Variants in ANGEL2 observed in about 807,000 individuals in gnomAD.
The protein encoded by ANGEL2 is angel homolog 2, also known as RNA 2',3'-cyclic phosphatase ANGEL2.
A neutral mutation model predicts 66.0 loss-of-function variants in ANGEL2; 41 were observed. The observed-to-expected ratio is 0.62, with a 90% CI of 0.48 to 0.81. The LOEUF is 0.81. Among genes scored for constraint, ANGEL2 ranks in the 30% least tolerant of loss-of-function variants. The probability of loss-of-function intolerance (pLI) is 0.00; values close to 1 mark genes in which losing one functional copy is unlikely to be tolerated. For missense variants in ANGEL2, 561 were observed against 641.6 expected, an observed-to-expected ratio of 0.87 and a Z score of 1.36; for synonymous variants, 208 against 226.5, an observed-to-expected ratio of 0.92 and a Z score of 0.73.
chr1:212,998,728 G>A (rs1382026260), intron 7 of ANGEL2, among the ~76,000 whole-genome samples: 5 of 151,162 alleles, frequency 3.3e-5, no homozygotes, highest in African/African-American at 1.2e-4. Flanking sequence ...CGGTTTCACC[G>A]TGTTAGCCAG....
chr1:213,015,280 T>C, intron 1 of ANGEL2: 1 of 1,167,022 alleles, frequency 8.6e-7, no homozygotes, highest in Non-Finnish European at 1.1e-6. Flanking sequence ...TGCTGCGGAG[T>C]GTGTGGAGCA....
intron 4 of ANGEL2, chr1:213,006,879 T>C (rs918790214): frequency 7.6e-6 from 3 of 395,986 alleles, no homozygotes; most frequent in Admixed American, 8.8e-5. Context: ...TAATGACACA[T>C]GAATTTTCAA....
At chr1:213,007,018 C>A in intron 4 of ANGEL2, 111 bp downstream of exon 4, 1 of 977,706 alleles carries the variant, frequency 1.0e-6, no homozygotes, top group Non-Finnish European at 1.5e-6. Context: ...TACTTGAGCC[C>A]AGTAGGTTGA....
At chr1:213,012,118 T>C (rs376648190) in intron 2 of ANGEL2, among the ~76,000 whole-genome samples, 4 of 152,304 alleles carry the variant, frequency 2.6e-5, no homozygotes, top group African/African-American at 7.2e-5. Flanking sequence ...CTTAGCAAAG[T>C]TGATTGGGAC....
intron 6 of ANGEL2, 112 bp downstream of exon 6, chr1:213,000,674 A>T: frequency 8.5e-7 from 1 of 1,175,614 alleles, no homozygotes; most frequent in Non-Finnish European, 1.2e-6. Context: ...CTACATATTT[A>T]TATATATGAA....
At chr1:213,005,487 C>T (rs2076299888) in intron 4 of ANGEL2, 33 bp from the exon 5 acceptor site, 4 of 1,527,202 alleles carry the variant, frequency 2.6e-6, no homozygotes, top group African/African-American at 1.4e-5. Flanking sequence ...AAACAAATGA[C>T]TGCTTTTATA....
rs190474019 is a variant in ANGEL2, at chr1:213,002,808, C to G, written c.1135-1896G>C. Among the ~76,000 whole-genome samples the G allele has an allele frequency of 4.5e-3, 679 of 151,836 alleles. 8 individuals are homozygous for G. The highest frequency in any genetic ancestry group is 0.015 in the African/African-American group (633 of 41,346). On this transcript the variant is annotated intron_variant, in intron 5 of 8. Coordinates refer to ENST00000366962, the MANE Select transcript of ANGEL2 (RefSeq NM_144567.5). ...TGGAGGCATGCACCTGTAATCCCACCTACTTGGGAAGCTGAAGCAGAATCG... is the reference window on the plus strand; with the variant it reads ...TGGAGGCATGCACCTGTAATCCCACGTACTTGGGAAGCTGAAGCAGAATCG...
At chr1:213,006,918 C>T (rs562570371) in intron 4 of ANGEL2, 22 of 425,538 alleles carry the variant, frequency 5.2e-5, no homozygotes, top group Admixed American at 4.7e-4. Flanking sequence ...GTTACATTGC[C>T]TTGTCTCTAT....
chr1:213,000,668 A>C (rs747518683), intron 6 of ANGEL2, 118 bp downstream of exon 6: 1 of 1,137,008 alleles, frequency 8.8e-7, no homozygotes, highest in South Asian at 2.0e-5. Context: ...GAATAACTAC[A>C]TATTTATATA....
Position 213,000,911 on chromosome 1 carries a change from A to T in ANGEL2, c.1136T>A (p.Val379Glu), listed in dbSNP as rs1305025409. The T allele has an allele frequency of 4.4e-6, 7 of 1,603,876 alleles. No individual in the cohort carries two copies. Among genetic ancestry groups the T allele is most frequent in the Non-Finnish European group, 5.1e-6 (6 of 1,178,070 alleles). ...LNYEGLPIGK[V>E]SGQEQSSRGQ... ...CCGTGAAGACTGTTCCTGGCCAGAT[A>T]CCTAAACAAAATTTCAACAGGTATC... The change falls in exon 6 of 9, where the codon GTA (valine) becomes GAA (glutamate). Residue 379 changes from valine (V) to glutamate (E), a missense_variant and splice_region_variant. Val to Glu is a moderately radical substitution (Grantham distance 121). Transcript: ENST00000366962.
intron 1 of ANGEL2, among the ~76,000 whole-genome samples, chr1:213,014,601 A>G (rs2076590390): frequency 6.6e-6 from 1 of 152,240 alleles, no homozygotes; most frequent in African/African-American, 2.4e-5. Flanking sequence ...GTACTACAAA[A>G]GCTATTATCT....
Position 213,015,754 on chromosome 1 carries a change from A to G in ANGEL2, c.-83T>C, listed in dbSNP as rs1572168003. The G allele has an allele frequency of 6.3e-7, 1 of 1,589,188 alleles. No individual in the cohort carries two copies. Among genetic ancestry groups the G allele is most frequent in the Non-Finnish European group, 8.6e-7 (1 of 1,159,410 alleles). On this transcript the variant is annotated 5_prime_UTR_variant, in exon 1 of 9. Transcript: ENST00000366962. ...ATCGATGCGACGGCCTAAAGTATCT[A>G]GGGAACCCCATCACTCTTAAGTACC... is the stretch of plus-strand genomic sequence containing the variant.
At chr1:212,997,065 C>A in intron 8 of ANGEL2, 90 bp downstream of exon 8, 2 of 1,185,776 alleles carry the variant, frequency 1.7e-6, no homozygotes. Context: ...AGAACTTCAA[C>A]TGGATGTTTA....
intron 2 of ANGEL2, among the ~76,000 whole-genome samples, chr1:213,010,230 T>C (rs2076467993): frequency 6.6e-6 from 1 of 152,230 alleles, no homozygotes; most frequent in Admixed American, 6.5e-5. Flanking sequence ...CCAATTGTAC[T>C]GGCTCTGCAG....
chr1:213,005,457 A>C lies in ANGEL2; in HGVS notation c.713-3T>G. 6.4e-7 allele frequency: 1 copy of C among 1,565,692 alleles called. No individual in the cohort carries two copies. Among genetic ancestry groups the C allele is most frequent in the Non-Finnish European group, 8.6e-7 (1 of 1,159,510 alleles). On this transcript the variant is annotated splice_region_variant and splice_polypyrimidine_tract_variant and intron_variant, in intron 4 of 8. Transcript: ENST00000366962. ...CATCTTATATTCACAGTGATAACCT[A>C]CAAGAAACAAATGAATTTAAAACAA...
chr1:212,997,749 T>C (rs188024991), intron 7 of ANGEL2, among the ~76,000 whole-genome samples: 256 of 152,370 alleles, frequency 1.7e-3, no homozygotes, highest in African/African-American at 5.8e-3. Flanking sequence ...TATAATTTTG[T>C]ACTGCATCTT....
chr1:213,010,571 CAAAA>C (rs11339532), intron 2 of ANGEL2, among the ~76,000 whole-genome samples: 5 of 110,944 alleles, frequency 4.5e-5, no homozygotes, highest in Non-Finnish European at 3.5e-5. Context: ...GCCTTCGTCT[CAAAA>C]AAAAAAAAAA....
chr1:212,995,232 A>G (rs1163172478), intron 8 of ANGEL2, 40 bp from the exon 9 acceptor site: 19 of 1,551,580 alleles, frequency 1.2e-5, no homozygotes, highest in Non-Finnish European at 1.6e-5. Flanking sequence ...TAAAATTGTC[A>G]ACGGGTTATT....
chr1:213,013,029 T>A, intron 2 of ANGEL2, 64 bp downstream of exon 2: 1 of 1,502,568 alleles, frequency 6.7e-7, no homozygotes, highest in Non-Finnish European at 9.0e-7. Context: ...GGATTAGATA[T>A]GAAAGTTTCA....
Sources: gnomAD v4.1 joint callset for allele counts (sites outside exome capture counted in the v4.1 genomes callset) on GRCh38, gnomAD v4.1.1 for gene constraint, MANE v1.5 for transcripts, NCBI Gene and HGNC (gene_info 2026-07-23, HGNC 2026-07-21) for gene names.